The following SLAIN2 variants were observed in gnomAD, a reference collection of about 807,000 sequenced individuals.
SLAIN2 encodes SLAIN motif-containing protein 2.
SLAIN2 carries 31 observed loss-of-function variants against 56.6 expected under a neutral mutation model. The ratio of observed to expected loss-of-function variants is 0.55; its 90% CI spans 0.41 to 0.74. SLAIN2 has a LOEUF of 0.74. SLAIN2 is among the 30% of genes least tolerant of loss of function. SLAIN2 has a pLI of 0.00. For missense variants in SLAIN2, 777 were observed against 754.2 expected, an observed-to-expected ratio of 1.03 and a Z score of -0.35; for synonymous variants, 317 against 284.9, an observed-to-expected ratio of 1.11 and a Z score of -1.13.
chr4:48,375,506 T>G (rs1021378685), intron 2 of SLAIN2, among the ~76,000 whole-genome samples: 1 of 152,158 alleles, frequency 6.6e-6, no homozygotes, highest in African/African-American at 2.4e-5. Context: ...TTTTTTTTCC[T>G]TTTTTCTAGT....
At chr4:48,383,536 TA>T in intron 5 of SLAIN2, 110 bp from the exon 6 acceptor site, 1 of 1,040,114 alleles carries the variant, frequency 9.6e-7, no homozygotes, top group Non-Finnish European at 1.3e-6. Context: ...TTTTCTCATC[TA>T]AAATAAACAG....
intron 6 of SLAIN2, among the ~76,000 whole-genome samples, chr4:48,399,049 TA>T (rs1716481923): frequency 6.6e-6 from 1 of 152,226 alleles, no homozygotes; most frequent in Non-Finnish European, 1.5e-5. Context: ...AGTGGTAGTT[TA>T]ATGGGAATAG....
chr4:48,344,326 A>G (rs1255714596), intron 1 of SLAIN2, among the ~76,000 whole-genome samples: 4 of 152,226 alleles, frequency 2.6e-5, no homozygotes, highest in African/African-American at 4.8e-5. Context: ...TTCAAAGTCA[A>G]TATTTTTTCC....
At chr4:48,361,577 A>G (rs1715328971) in intron 1 of SLAIN2, among the ~76,000 whole-genome samples, 1 of 152,206 alleles carries the variant, frequency 6.6e-6, no homozygotes, top group Middle Eastern at 3.2e-3. Context: ...AGTGTACAAG[A>G]TGAATTTGAA....
At chr4:48,376,166 G>C (rs1222656876) in intron 2 of SLAIN2, among the ~76,000 whole-genome samples, 7 of 152,162 alleles carry the variant, frequency 4.6e-5, no homozygotes, top group Admixed American at 4.6e-4. Context: ...AGAATATGAA[G>C]GAAGGGGCTG....
In SLAIN2 at chr4:48,342,082, G is replaced by A; in HGVS notation, c.343G>A (p.Asp115Asn). The A allele has an allele frequency of 1.5e-6, 2 of 1,368,212 alleles. No homozygotes were observed. The highest frequency in any genetic ancestry group is 3.1e-5 in the East Asian group (1 of 32,442). The allele number at this position is 1,368,212 out of a possible 1,614,324, so 84.8% of individuals were successfully genotyped here. The change falls in exon 1 of 8, where the codon GAC becomes AAC. Residue 115 changes from aspartate to asparagine, a missense_variant. Coordinates refer to ENST00000264313, the MANE Select transcript of SLAIN2 (RefSeq NM_020846.2). Reference protein sequence around the residue: ...LLDEVEPLRPDELERLSGWEE... With the variant: ...LLDEVEPLRPNELERLSGWEE... ...GGACGAGGTGGAGCCGCTGCGGCCC[G>A]ACGAGCTGGAGCGCCTGTCAGGCTG...
At chr4:48,368,050 G>GTTTTTTTTTTTTT (rs1466698335) in intron 1 of SLAIN2, among the ~76,000 whole-genome samples, 1 of 28,532 alleles carries the variant, frequency 3.5e-5, no homozygotes, top group African/African-American at 3.5e-4. Flanking sequence ...TGTTTTTGAG[G>GTTTTTTTTTTTTT]CTTTTTTTTT....
At position 48,423,005 on chromosome 4, in the gene SLAIN2, C is replaced by A. The variant is rs749906359; in HGVS notation, c.*928C>A. ...GTGTGTCTTTATTCTTGATACAACA[C>A]CACCTCGGTGCTTGCAACCTGGAAC... is the stretch of plus-strand genomic sequence containing the variant. On this transcript the variant is annotated 3_prime_UTR_variant, in exon 8 of 8. Coordinates refer to ENST00000264313, the MANE Select transcript of SLAIN2 (RefSeq NM_020846.2). 6.6e-6 allele frequency: 1 copy of A among 152,136 alleles called. No individual in the cohort carries two copies. The highest frequency in any genetic ancestry group is 1.5e-5 in the Non-Finnish European group (1 of 68,024). The allele number at this position is 152,136 out of a possible 1,614,324, so 9.4% of individuals were successfully genotyped here. A position where few individuals can be genotyped will look rare whatever the true frequency, so the allele number is the denominator to read the frequency against.
chr4:48,361,296 A>G (rs1031621164), intron 1 of SLAIN2, among the ~76,000 whole-genome samples: 2 of 152,282 alleles, frequency 1.3e-5, no homozygotes, highest in Non-Finnish European at 1.5e-5. Flanking sequence ...GGGGAACAAC[A>G]TGCACAAATG....
At chr4:48,408,186 C>T (rs561410430) in intron 6 of SLAIN2, among the ~76,000 whole-genome samples, 43 of 152,026 alleles carry the variant, frequency 2.8e-4, no homozygotes, top group Admixed American at 1.6e-3. Context: ...ATAAAATAGA[C>T]AGGCATGGTG....
At chr4:48,411,066 G>C (rs138637233) in intron 6 of SLAIN2, among the ~76,000 whole-genome samples, 58 of 152,114 alleles carry the variant, frequency 3.8e-4, no homozygotes, top group African/African-American at 1.3e-3. Flanking sequence ...GTGTTTCGTT[G>C]GTGTTTTTTC....
At chr4:48,392,509 C>T (rs1438010765) in intron 6 of SLAIN2, among the ~76,000 whole-genome samples, 1 of 151,976 alleles carries the variant, frequency 6.6e-6, no homozygotes, top group Non-Finnish European at 1.5e-5. Context: ...AGTGTATGTT[C>T]AATTGGTTAC....
chr4:48,381,630 C>A (rs1433539173), intron 4 of SLAIN2, among the ~76,000 whole-genome samples: 1 of 152,118 alleles, frequency 6.6e-6, no homozygotes, highest in Non-Finnish European at 1.5e-5. Context: ...AAGTGGACTC[C>A]AGGAATTTAT....
chr4:48,372,352 C>G (rs1285846339), intron 2 of SLAIN2, among the ~76,000 whole-genome samples: 1 of 152,176 alleles, frequency 6.6e-6, no homozygotes, highest in Non-Finnish European at 1.5e-5. Flanking sequence ...CAATTTTAGT[C>G]TTTGTTGCCT....
chr4:48,418,309 T>G (rs1717053578), intron 6 of SLAIN2, among the ~76,000 whole-genome samples: 1 of 152,114 alleles, frequency 6.6e-6, no homozygotes, highest in South Asian at 2.1e-4. Flanking sequence ...TTGTAGATGT[T>G]CTTTATGAGG....
At chr4:48,354,870 G>GA (rs1715115639) in intron 1 of SLAIN2, among the ~76,000 whole-genome samples, 1 of 149,218 alleles carries the variant, frequency 6.7e-6, no homozygotes, top group African/African-American at 2.4e-5. Flanking sequence ...TTAGGACCAA[G>GA]AAAAAAATGT....
chr4:48,396,241 A>G (rs1394152787), intron 6 of SLAIN2, among the ~76,000 whole-genome samples: 2 of 151,802 alleles, frequency 1.3e-5, no homozygotes, highest in East Asian at 3.9e-4. Context: ...TGGCATCTCT[A>G]GCTGTCTTGT....
At chr4:48,347,430 G>A (rs1714899347) in intron 1 of SLAIN2, among the ~76,000 whole-genome samples, 1 of 139,312 alleles carries the variant, frequency 7.2e-6, no homozygotes, top group Non-Finnish European at 1.5e-5. Flanking sequence ...TTTATGTTTT[G>A]TAGAGATAGG....
chr4:48,425,457 G>C lies in SLAIN2; in HGVS notation c.*3380G>C, dbSNP rs1017880843. On this transcript the variant is annotated 3_prime_UTR_variant, in exon 8 of 8. Coordinates refer to ENST00000264313, the MANE Select transcript of SLAIN2 (RefSeq NM_020846.2). ...TAGGTGATCACGTGCATCTTTTCTT[G>C]TATGGATGGAAAAATCAAGAATTGT... 25 of 152,020 alleles carry C rather than the reference G, an allele frequency of 1.6e-4. No individual in the cohort carries two copies. The highest frequency in any genetic ancestry group is 5.8e-4 in the African/African-American group (24 of 41,412). The allele number at this position is 152,020 out of a possible 1,614,324, so 9.4% of individuals were successfully genotyped here. A position where few individuals can be genotyped will look rare whatever the true frequency, so the allele number is the denominator to read the frequency against.
Sources: allele counts gnomAD v4.1 joint callset (sites outside exome capture counted in the v4.1 genomes callset), GRCh38; gene constraint gnomAD v4.1.1; transcripts MANE v1.5; gene names NCBI Gene and HGNC (gene_info 2026-07-23, HGNC 2026-07-21).